The following PDXK variants were observed in gnomAD, a reference collection of about 807,000 sequenced individuals.
PDXK encodes pyridoxal kinase.
A neutral mutation model predicts 43.2 loss-of-function variants in PDXK; 15 were observed. The observed-to-expected ratio is 0.35, with a 90% CI of 0.23 to 0.53. PDXK has a LOEUF of 0.53. Ranked by LOEUF, PDXK falls within the 20% of genes least tolerant of loss-of-function variation. PDXK has a pLI of 0.92. For missense variants in PDXK, 343 were observed against 417.0 expected (o/e 0.82, Z 1.54); for synonymous variants, 172 against 165.4 (o/e 1.04, Z -0.31).
chr21:43,724,104 C>T (rs1256733889), intron 1 of PDXK, among the ~76,000 whole-genome samples: 1 of 152,218 alleles, frequency 6.6e-6, no homozygotes, highest in Non-Finnish European at 1.5e-5. Context: ...CATCTGGGGC[C>T]TGCAGGCAGC....
chr21:43,724,430 A>ACC (rs1309631260), intron 1 of PDXK, among the ~76,000 whole-genome samples: 2 of 152,136 alleles, frequency 1.3e-5, no homozygotes, highest in African/African-American at 4.8e-5. Flanking sequence ...TCAGCACTTG[A>ACC]GCAGCATGTG....
chr21:43,744,632 T>TG (rs1391876138), intron 4 of PDXK: 2 of 152,188 alleles, frequency 1.3e-5, no homozygotes, highest in African/African-American at 4.8e-5. Flanking sequence ...ATAGCAAGTG[T>TG]GAGCGAGGAT....
intron 4 of PDXK, among the ~76,000 whole-genome samples, chr21:43,745,452 G>T (rs568691796): frequency 6.6e-6 from 1 of 151,442 alleles, no homozygotes; most frequent in African/African-American, 2.4e-5. Flanking sequence ...CAGACTAGAC[G>T]TTACCAGGGC....
chr21:43,732,531 G>T lies in PDXK; in HGVS notation c.88-1538G>T. The stretch of plus-strand genomic sequence containing the variant: ...AAATAGCGACTTCATTCTCGGATAC[G>T]TTTGCCAGCCCCAAAGGATTAATTA... On this transcript the variant is annotated intron_variant, in intron 1 of 10. Coordinates refer to ENST00000291565, the MANE Select transcript of PDXK (RefSeq NM_003681.5). The surrounding 1 kb of genome is among the most constrained non-coding windows in gnomAD (Gnocchi z 4.1). 1 of 1,190,446 alleles carries T rather than the reference G, an allele frequency of 8.4e-7. No individual in the cohort carries two copies. The highest frequency in any genetic ancestry group is 1.3e-6 in the Non-Finnish European group (1 of 793,786). 73.7% of individuals were successfully genotyped at this position (1,190,446 alleles called of 1,614,324 possible).
At chr21:43,733,987 C>T (rs1034077779) in intron 1 of PDXK, 82 bp from the exon 2 acceptor site, 2 of 1,402,720 alleles carry the variant, frequency 1.4e-6, no homozygotes, top group South Asian at 2.3e-5. Flanking sequence ...TTACTCCCCT[C>T]TTCTGAGTCA....
intron 1 of PDXK, among the ~76,000 whole-genome samples, chr21:43,729,937 C>G (rs1349376005): frequency 1.3e-5 from 2 of 151,858 alleles, no homozygotes. Flanking sequence ...GCATGAGATC[C>G]TGTCTCAAAA....
At chr21:43,731,160 C>G (rs188558758) in intron 1 of PDXK, among the ~76,000 whole-genome samples, 26 of 152,228 alleles carry the variant, frequency 1.7e-4, no homozygotes, top group Non-Finnish European at 3.4e-4. Flanking sequence ...TTAATAATGA[C>G]TCTACGTAAA....
intron 1 of PDXK, among the ~76,000 whole-genome samples, chr21:43,725,018 G>T (rs192180521): frequency 6.6e-6 from 1 of 152,108 alleles, no homozygotes; most frequent in African/African-American, 2.4e-5. Flanking sequence ...TTCTCTTGGG[G>T]AAATGGTTAA....
At chr21:43,726,127 T>C (rs1325664967) in intron 1 of PDXK, among the ~76,000 whole-genome samples, 5 of 152,172 alleles carry the variant, frequency 3.3e-5, no homozygotes, top group African/African-American at 7.2e-5. Flanking sequence ...TTTTCTTTCA[T>C]CTTTCTCCAA....
chr21:43,732,738 ATTTT>A lies in PDXK; in HGVS notation c.88-1328_88-1325del. On this transcript the variant is annotated intron_variant, in intron 1 of 10. Coordinates refer to ENST00000291565, the MANE Select transcript of PDXK (RefSeq NM_003681.5). This position sits in a 1 kb window ranked among gnomAD's most constrained non-coding sequence, Gnocchi z 4.1. Reference sequence around the variant, plus strand: ...GGTACATTTGCAAAGTGCCCATTTTATTTTTTATTTTTATTTTTATGTTTTTTGA... The same window carrying A: ...GGTACATTTGCAAAGTGCCCATTTTATTATTTTTATTTTTATGTTTTTTGA... 1.5e-6 allele frequency: 1 copy of A among 686,362 alleles called. No individual in the cohort carries two copies. Among genetic ancestry groups the A allele is most frequent in the South Asian group, 1.7e-5 (1 of 59,496 alleles). The allele number at this position is 686,362 out of a possible 1,614,324, so 42.5% of individuals were successfully genotyped here. A position where few individuals can be genotyped will look rare whatever the true frequency, so the allele number is the denominator to read the frequency against.
intron 9 of PDXK, among the ~76,000 whole-genome samples, chr21:43,753,987 T>C (rs947098414): frequency 2.0e-5 from 3 of 152,178 alleles, no homozygotes; most frequent in Non-Finnish European, 4.4e-5. Flanking sequence ...AACAGACCCA[T>C]GGGGGTCCCA....
chr21:43,744,393 G>A (rs561619460), intron 4 of PDXK: 50 of 161,174 alleles, frequency 3.1e-4, no homozygotes, highest in Non-Finnish European at 5.5e-4. Context: ...TCTCTCTGGG[G>A]CACAGGTCTC....
intron 1 of PDXK, chr21:43,728,641 G>A: frequency 6.9e-6 from 6 of 864,490 alleles, no homozygotes; most frequent in African/African-American, 1.8e-5. Context: ...GGATGCTGCC[G>A]ATAAGGCGCG....
chr21:43,750,804 G>A (rs983128677), intron 7 of PDXK, among the ~76,000 whole-genome samples: 12 of 151,662 alleles, frequency 7.9e-5, no homozygotes, highest in African/African-American at 2.2e-4. Context: ...GGATGTGTGC[G>A]TGTGTGCGCG....
At chr21:43,745,212 G>A (rs966865458) in intron 4 of PDXK, among the ~76,000 whole-genome samples, 10 of 152,148 alleles carry the variant, frequency 6.6e-5, no homozygotes, top group African/African-American at 1.9e-4. Context: ...CTGAAGTCAG[G>A]TGTTCGAGAT....
In PDXK at chr21:43,755,940, C is replaced by T. The variant is rs1441280925; in HGVS notation, c.827-11C>T. 7 of 1,596,916 alleles carry T rather than the reference C, an allele frequency of 4.4e-6. No homozygotes were observed. The highest frequency in any genetic ancestry group is 6.0e-6 in the Non-Finnish European group (7 of 1,167,108). On this transcript the variant is annotated splice_polypyrimidine_tract_variant and intron_variant, in intron 10 of 10. Coordinates refer to ENST00000291565, the MANE Select transcript of PDXK (RefSeq NM_003681.5). ...GAGATGGGAACTCAGTGCTCTCTGC[C>T]TGCCCCGCAGCCCAGGCCGGGGAAG...
intron 8 of PDXK, among the ~76,000 whole-genome samples, chr21:43,753,155 G>T (rs1210961560): frequency 6.6e-6 from 1 of 151,396 alleles, no homozygotes; most frequent in Non-Finnish European, 1.5e-5. Context: ...CACACACGTG[G>T]ACATGGGCAC....
chr21:43,741,749 T>C lies in PDXK; in HGVS notation c.225T>C (p.Asn75=). The C allele has an allele frequency of 1.9e-6, 3 of 1,609,444 alleles. No homozygotes were observed. Among genetic ancestry groups the C allele is most frequent in the Non-Finnish European group, 2.6e-6 (3 of 1,176,468 alleles). Residue 75 remains asparagine (N), a synonymous_variant, in exon 3 of 11, where the codon AAT becomes AAC. Coordinates refer to ENST00000291565, the MANE Select transcript of PDXK (RefSeq NM_003681.5). ...LYEGLRLNNM[N]KYDYVLTGYT... Reference sequence around the variant, plus strand: ...AAGGCCTGAGGCTGAACAACATGAATAAATATGACTACGTGCTCACAGGTA... The same window carrying C: ...AAGGCCTGAGGCTGAACAACATGAACAAATATGACTACGTGCTCACAGGTA...
chr21:43,723,100 A>G lies in PDXK; in HGVS notation c.87+3719A>G, dbSNP rs1221588123. On this transcript the variant is annotated intron_variant, in intron 1 of 10. Transcript: ENST00000291565. This position sits in a 1 kb window ranked among gnomAD's most constrained non-coding sequence, Gnocchi z 4.1. ...TGATCCGCCCACCTCGGCCTCCCAA[A>G]GTACTGGGATTACAGGCATGGGGCC... 6.6e-6 allele frequency among the ~76,000 whole-genome samples: 1 copy of G among 151,650 alleles called. No individual in the cohort carries two copies. Among genetic ancestry groups the G allele is most frequent in the Non-Finnish European group, 1.5e-5 (1 of 67,940 alleles).
Sources: allele counts gnomAD v4.1 joint callset (sites outside exome capture counted in the v4.1 genomes callset), GRCh38; gene constraint gnomAD v4.1.1; non-coding constraint Gnocchi (gnomAD v3.1); transcripts MANE v1.5; gene names NCBI Gene and HGNC (gene_info 2026-07-23, HGNC 2026-07-21).